Variants in ARL10 observed in about 807,000 individuals in gnomAD.
ARL10 encodes ARF like GTPase 10.
In ARL10, 23 loss-of-function variants were observed where a neutral mutation model predicts 26.1. The observed-to-expected ratio is 0.88, with a 90% confidence interval of 0.63 to 1.25. ARL10 has a LOEUF of 1.25. ARL10 is among the 50% of genes most tolerant of loss of function. The probability of loss-of-function intolerance (pLI) is 0.00; values close to 1 mark genes in which losing one functional copy is unlikely to be tolerated. For missense variants in ARL10, 300 were observed against 323.6 expected, an observed-to-expected ratio of 0.93 and a Z score of 0.56; for synonymous variants, 138 against 149.1, an observed-to-expected ratio of 0.93 and a Z score of 0.54.
At chr5:176,384,141 G>A (rs1445532344), downstream of ARL10, 1 of 1,613,034 alleles carries the variant, frequency 6.2e-7, no homozygotes, top group Non-Finnish European at 8.5e-7. Context: ...CTCCTCTGGA[G>A]CCACACAGCA....
chr5:176,406,692 C>CA, downstream of ARL10: 1 of 1,287,948 alleles, frequency 7.8e-7, no homozygotes. Context: ...TAGCTGGACC[C>CA]GCTGGTGGTG....
downstream of ARL10, among the ~76,000 whole-genome samples, chr5:176,405,107 T>A (rs1757038050): frequency 6.6e-6 from 1 of 152,202 alleles, no homozygotes; most frequent in Non-Finnish European, 1.5e-5. Flanking sequence ...GAACTCAATC[T>A]GTTAGCTCCT....
chr5:176,397,733 G>A (rs754367131), intron 1 of ARL10: 23 of 1,606,126 alleles, frequency 1.4e-5, no homozygotes, highest in Non-Finnish European at 1.9e-5. Flanking sequence ...GACCCCACAA[G>A]AGAATGAGTG....
chr5:176,373,187 C>T lies in ARL10; in HGVS notation c.*1292C>T, dbSNP rs1377944355. 7.6e-6 allele frequency: 3 copies of T among 396,634 alleles called. No individual in the cohort carries two copies. The highest frequency in any genetic ancestry group is 1.3e-5 in the Non-Finnish European group (3 of 225,412). 24.6% of individuals were successfully genotyped at this position (396,634 alleles called of 1,614,324 possible). ...GATCCTAAGGACAGGAATAGCAGACCAGCCAACGGGATGGCCTTGGGTACA... is the reference window on the plus strand; with the variant it reads ...GATCCTAAGGACAGGAATAGCAGACTAGCCAACGGGATGGCCTTGGGTACA... On this transcript the variant is annotated 3_prime_UTR_variant, in exon 4 of 4. Coordinates refer to ENST00000310389, the MANE Select transcript of ARL10 (RefSeq NM_173664.6).
downstream of ARL10, chr5:176,393,093 C>T (rs1375928476): frequency 1.5e-5 from 13 of 851,676 alleles, no homozygotes; most frequent in East Asian, 4.9e-5. The surrounding 1 kb of genome is among the most constrained non-coding windows in gnomAD (Gnocchi z 4.4). Context: ...GCAGCCTTGG[C>T]GCAGGAGGAA....
At position 176,374,648 on chromosome 5, in the gene ARL10, A is replaced by C. The variant is rs935304125; in HGVS notation, c.*2753A>C. On this transcript the variant is annotated 3_prime_UTR_variant, in exon 4 of 4. Transcript: ENST00000310389. ...CTGCTCATAGCCTGTTCAGGGTATA[A>C]TGGCAATTAAGGACATAGTTCACTA... 1 of 152,242 alleles carries C rather than the reference A, an allele frequency of 6.6e-6. No homozygotes were observed. Among genetic ancestry groups the C allele is most frequent in the African/African-American group, 2.4e-5 (1 of 41,478 alleles). 9.4% of individuals were successfully genotyped at this position (152,242 alleles called of 1,614,324 possible).
At chr5:176,397,462 CACGG>C in intron 1 of ARL10, 1 of 625,170 alleles carries the variant, frequency 1.6e-6, no homozygotes, top group South Asian at 1.8e-5. Context: ...CTCATGTCCC[CACGG>C]CCCCCTCATG....
chr5:176,400,932 G>A (rs1259163435), intron 1 of ARL10, among the ~76,000 whole-genome samples: 5 of 152,120 alleles, frequency 3.3e-5, no homozygotes, highest in African/African-American at 1.2e-4. Context: ...GAACATCAGG[G>A]CTACAGTCTC....
downstream of ARL10, among the ~76,000 whole-genome samples, chr5:176,393,253 C>T (rs1363612600): frequency 6.6e-6 from 1 of 152,198 alleles, no homozygotes; most frequent in Non-Finnish European, 1.5e-5. The surrounding 1 kb of genome is among the most constrained non-coding windows in gnomAD (Gnocchi z 4.4). Context: ...CCAGCCTAGG[C>T]ACCCTCTGTT....
At chr5:176,384,112 T>C, downstream of ARL10, 1 of 1,609,020 alleles carries the variant, frequency 6.2e-7, no homozygotes, top group Non-Finnish European at 8.5e-7. Context: ...AACCTTCTGA[T>C]TCCATGGGAC....
In ARL10 at chr5:176,380,475, T is replaced by G. The variant is rs1021292921; in HGVS notation, c.*8580T>G. 4 of 146,916 alleles carry G rather than the reference T, an allele frequency of 2.7e-5. No individual in the cohort carries two copies. In the East Asian group the frequency reaches 7.8e-4, roughly 29 times the overall value. 9.1% of individuals were successfully genotyped at this position (146,916 alleles called of 1,614,324 possible). A position where few individuals can be genotyped will look rare whatever the true frequency, so the allele number is the denominator to read the frequency against. On this transcript the variant is annotated 3_prime_UTR_variant, in exon 4 of 4. Transcript: ENST00000310389. The stretch of plus-strand genomic sequence containing the variant: ...GTTCTGGGTCCATAATTTTGGTTTT[T>G]TTTTTTTTTTTTTTTTGAGACAGAG...
intron 1 of ARL10, 115 bp from the exon 2 acceptor site, chr5:176,366,265 G>C: frequency 1.6e-6 from 2 of 1,273,266 alleles, no homozygotes; most frequent in Non-Finnish European, 2.1e-6. Flanking sequence ...GACCATGCCT[G>C]CCTGTCCCAG....
At chr5:176,400,976 G>C (rs1756789872) in intron 1 of ARL10, among the ~76,000 whole-genome samples, 1 of 152,214 alleles carries the variant, frequency 6.6e-6, no homozygotes, top group South Asian at 2.1e-4. Flanking sequence ...GGGCAGGCCA[G>C]GGCAGGCCAG....
intron 2 of ARL10, among the ~76,000 whole-genome samples, chr5:176,367,398 G>A (rs1049956339): frequency 1.3e-5 from 2 of 151,976 alleles, no homozygotes; most frequent in African/African-American, 4.8e-5. Flanking sequence ...ACTATTGCCT[G>A]TCTGGCCCAA....
Position 176,368,817 on chromosome 5 carries a change from C to G in ARL10, c.396C>G (p.Ser132Arg), listed in dbSNP as rs763421893. ...FEVDLLEIGG[S>R]QNLRFYWKEF... ...CTGGCCTCTCCTCAGTTGGGGGCAG[C>G]CAGAACCTGCGCTTCTACTGGAAGG... Residue 132 changes from serine (S) to arginine (R), a missense_variant, in exon 3 of 4, where the codon AGC becomes AGG. Transcript: ENST00000310389. This position sits in a 1 kb window ranked among gnomAD's most constrained non-coding sequence, Gnocchi z 4.1. The G allele has an allele frequency of 4.3e-6, 7 of 1,611,226 alleles. No individual in the cohort carries two copies. Among genetic ancestry groups the G allele is most frequent in the Non-Finnish European group, 5.9e-6 (7 of 1,178,190 alleles).
At chr5:176,410,449 A>AT in the ARL10 span, 1 of 632,384 alleles carries the variant, frequency 1.6e-6, no homozygotes, top group South Asian at 1.9e-5. Context: ...GGATATATAT[A>AT]TAACTTAGGC....
At chr5:176,410,936 C>G in the ARL10 span, among the ~76,000 whole-genome samples, 1 of 152,202 alleles carries the variant, frequency 6.6e-6, no homozygotes, top group South Asian at 2.1e-4. Context: ...TGATTAGTCA[C>G]AAATTCCTGG....
downstream of ARL10, among the ~76,000 whole-genome samples, chr5:176,402,097 G>A (rs1756850540): frequency 6.6e-6 from 1 of 152,200 alleles, no homozygotes; most frequent in South Asian, 2.1e-4. Context: ...GAGCTCAGGA[G>A]TTCGAGACCA....
Position 176,374,045 on chromosome 5 carries a change from T to G in ARL10, c.*2150T>G, listed in dbSNP as rs1768622305. ...AAATAACTTAGGTTGCCTGATTGGCTGCAGTCTGGCATTTGCCTTACCTGA... is the reference window on the plus strand; with the variant it reads ...AAATAACTTAGGTTGCCTGATTGGCGGCAGTCTGGCATTTGCCTTACCTGA... On this transcript the variant is annotated 3_prime_UTR_variant, in exon 4 of 4. Coordinates refer to ENST00000310389, the MANE Select transcript of ARL10 (RefSeq NM_173664.6). 6.6e-6 allele frequency: 1 copy of G among 152,224 alleles called. No individual in the cohort carries two copies. The highest frequency in any genetic ancestry group is 2.1e-4 in the South Asian group (1 of 4,832). 9.4% of individuals were successfully genotyped at this position (152,224 alleles called of 1,614,324 possible). A position where few individuals can be genotyped will look rare whatever the true frequency, so the allele number is the denominator to read the frequency against.
Sources: allele counts gnomAD v4.1 joint callset (sites outside exome capture counted in the v4.1 genomes callset), GRCh38; gene constraint gnomAD v4.1.1; non-coding constraint Gnocchi (gnomAD v3.1); transcripts MANE v1.5; gene names NCBI Gene and HGNC (gene_info 2026-07-23, HGNC 2026-07-21).